Variants in SPEF2 observed in about 807,000 individuals in gnomAD.
SPEF2 encodes the protein sperm flagella and cilia-associated protein 2.
SPEF2 carries 187 observed loss-of-function variants against 224.6 expected under a neutral mutation model. That is an observed-to-expected ratio of 0.83 (90% CI 0.74 to 0.94). SPEF2 has a LOEUF of 0.94. SPEF2 is among the 40% of genes least tolerant of loss of function. SPEF2 has a pLI of 0.00. For missense variants in SPEF2, 2,170 were observed against 2,135.6 expected, an observed-to-expected ratio of 1.02 and a Z score of -0.32; for synonymous variants, 715 against 707.3, an observed-to-expected ratio of 1.01 and a Z score of -0.17.
intron 20 of SPEF2, among the ~76,000 whole-genome samples, chr5:35,719,252 G>A (rs1354620991): frequency 1.3e-5 from 2 of 152,172 alleles, no homozygotes. Context: ...AAATATAGGG[G>A]AAAACTTAAA....
At chr5:35,748,877 C>G (rs1748970590) in intron 23 of SPEF2, among the ~76,000 whole-genome samples, 1 of 151,924 alleles carries the variant, frequency 6.6e-6, no homozygotes, top group Non-Finnish European at 1.5e-5. Flanking sequence ...AAGGACATAA[C>G]CAAAAAAGAA....
intron 1 of SPEF2, among the ~76,000 whole-genome samples, chr5:35,619,909 A>G (rs1743263382): frequency 1.3e-5 from 2 of 152,188 alleles, no homozygotes; most frequent in African/African-American, 4.8e-5. Flanking sequence ...AAGAATTTTA[A>G]CAACATTTAG....
intron 26 of SPEF2, among the ~76,000 whole-genome samples, chr5:35,766,949 G>T (rs569813033): frequency 6.6e-6 from 1 of 151,884 alleles, no homozygotes; most frequent in East Asian, 1.9e-4. Context: ...AGTTTTTGAA[G>T]TTGCCTTATG....
intron 10 of SPEF2, among the ~76,000 whole-genome samples, chr5:35,681,298 G>C (rs1241834263): frequency 6.6e-6 from 1 of 152,120 alleles, no homozygotes; most frequent in African/African-American, 2.4e-5. Flanking sequence ...ATACAAATAA[G>C]ATCTAGCATA....
chr5:35,664,070 C>A (rs2149462681), intron 8 of SPEF2, among the ~76,000 whole-genome samples: 1 of 152,268 alleles, frequency 6.6e-6, no homozygotes, highest in African/African-American at 2.4e-5. Flanking sequence ...CAAGTGCCTT[C>A]ACCCAATTAA....
chr5:35,665,314 T>C (rs187196383), intron 8 of SPEF2, among the ~76,000 whole-genome samples: 3 of 152,250 alleles, frequency 2.0e-5, no homozygotes, highest in Non-Finnish European at 4.4e-5. Context: ...CTTCTCTTTT[T>C]ATGGCTGCAA....
At chr5:35,675,767 A>G (rs1261624938) in intron 10 of SPEF2, 5 of 347,170 alleles carry the variant, frequency 1.4e-5, no homozygotes, top group Non-Finnish European at 2.9e-5. Flanking sequence ...CACTGATTCT[A>G]ACTTAACAGA....
At chr5:35,691,010 C>G (rs768715855) in intron 10 of SPEF2, 27 bp from the exon 11 acceptor site, 1 of 1,573,148 alleles carries the variant, frequency 6.4e-7, no homozygotes, top group African/African-American at 1.4e-5. Flanking sequence ...CAGAATATTT[C>G]TGTTTATTTG....
chr5:35,662,859 C>T (rs1258852332), intron 8 of SPEF2, among the ~76,000 whole-genome samples: 1 of 152,108 alleles, frequency 6.6e-6, no homozygotes, highest in Non-Finnish European at 1.5e-5. Context: ...TAGTGCGATG[C>T]TTCCAGCTTT....
intron 1 of SPEF2, among the ~76,000 whole-genome samples, chr5:35,627,024 T>C (rs1214108877): frequency 6.6e-6 from 1 of 151,994 alleles, no homozygotes; most frequent in African/African-American, 2.4e-5. Flanking sequence ...AAAACTGAAT[T>C]TGTGATACTG....
chr5:35,646,524 C>A (rs185994874), intron 4 of SPEF2, 143 bp from the exon 5 acceptor site: 5 of 646,960 alleles, frequency 7.7e-6, no homozygotes, highest in African/African-American at 7.5e-5. Flanking sequence ...TAATATTACA[C>A]AGTTGTGACA....
At chr5:35,768,182 T>C (rs1399466934) in intron 26 of SPEF2, among the ~76,000 whole-genome samples, 2 of 152,142 alleles carry the variant, frequency 1.3e-5, no homozygotes, top group East Asian at 3.8e-4. Context: ...CAATATAGTC[T>C]TGAGGTGCTG....
At chr5:35,716,345 A>G (rs887567540) in intron 20 of SPEF2, among the ~76,000 whole-genome samples, 1 of 152,138 alleles carries the variant, frequency 6.6e-6, no homozygotes, top group African/African-American at 2.4e-5. Flanking sequence ...CATATTTTAC[A>G]TTACTCATCC....
In SPEF2 at chr5:35,670,993, C is replaced by T. The variant is rs1389811481; in HGVS notation, c.1524+766C>T. 4.1e-6 allele frequency: 4 copies of T among 985,224 alleles called. No individual in the cohort carries two copies. In the East Asian group the frequency reaches 3.3e-4, roughly 82 times the overall value. The allele number at this position is 985,224 out of a possible 1,614,324, so 61.0% of individuals were successfully genotyped here. A position where few individuals can be genotyped will look rare whatever the true frequency, so the allele number is the denominator to read the frequency against. On this transcript the variant is annotated intron_variant, in intron 10 of 36. Coordinates refer to ENST00000356031, the MANE Select transcript of SPEF2 (RefSeq NM_024867.4). ...TCCTACTCTCCCCATCCCACTCCAT[C>T]TCACCCTTAGAAGTAAAGGTGTAAC...
At chr5:35,787,467 A>C (rs1755319326) in intron 30 of SPEF2, among the ~76,000 whole-genome samples, 1 of 152,202 alleles carries the variant, frequency 6.6e-6, no homozygotes, top group African/African-American at 2.4e-5. Context: ...TCTAAAGTGA[A>C]GAAGAGCATA....
chr5:35,729,520 A>T (rs1467699380), intron 21 of SPEF2, among the ~76,000 whole-genome samples: 4 of 152,136 alleles, frequency 2.6e-5, no homozygotes, highest in African/African-American at 9.7e-5. Flanking sequence ...ACTGGTGTGA[A>T]GGGACATGGA....
chr5:35,661,810 T>A (rs745666012), intron 8 of SPEF2, among the ~76,000 whole-genome samples: 9 of 152,218 alleles, frequency 5.9e-5, no homozygotes, highest in Non-Finnish European at 1.3e-4. Flanking sequence ...CCACATTTTC[T>A]TTATCCAGTC....
intron 20 of SPEF2, among the ~76,000 whole-genome samples, chr5:35,718,463 C>G (rs1743017395): frequency 2.0e-5 from 3 of 152,110 alleles, no homozygotes; most frequent in African/African-American, 7.2e-5. Flanking sequence ...GCAGGCATCC[C>G]TGGTTCCCGT....
intron 30 of SPEF2, chr5:35,787,787 A>C: frequency 1.9e-6 from 1 of 528,066 alleles, no homozygotes; most frequent in Non-Finnish European, 3.3e-6. Context: ...TAGTGAGCAA[A>C]TGTAGGGGTC....
Sources: allele counts gnomAD v4.1 joint callset (sites outside exome capture counted in the v4.1 genomes callset), GRCh38; gene constraint gnomAD v4.1.1; transcripts MANE v1.5; gene names NCBI Gene and HGNC (gene_info 2026-07-23, HGNC 2026-07-21).